EFNA5: variants seen among roughly 807,000 people sequenced by gnomAD.
EFNA5 encodes the protein ephrin A5, also known as ephrin-A5.
A neutral mutation model predicts 22.9 loss-of-function variants in EFNA5; 5 were observed. That is an observed-to-expected ratio of 0.22 (90% confidence interval 0.11 to 0.46). EFNA5 has a LOEUF of 0.46. EFNA5 is among the 20% of genes least tolerant of loss of function. The pLI, the probability that EFNA5 is intolerant of heterozygous loss-of-function variation, is 0.99. For synonymous variants in EFNA5, 113 were observed against 112.2 expected (o/e 1.01, Z -0.04); for missense variants, 237 against 293.3 (o/e 0.81, Z 1.40).
chr5:107,451,287 T>C (rs1056534370), intron 1 of EFNA5, among the ~76,000 whole-genome samples: 1 of 152,200 alleles, frequency 6.6e-6, no homozygotes, highest in Admixed American at 6.5e-5. Context: ...TAATTGCCCA[T>C]AGAGCAACTG....
chr5:107,382,747 C>G (rs1747504650), intron 4 of EFNA5, among the ~76,000 whole-genome samples: 1 of 152,138 alleles, frequency 6.6e-6, no homozygotes, highest in Non-Finnish European at 1.5e-5. Flanking sequence ...AATTTTATCT[C>G]AGCATCAGGG....
intron 1 of EFNA5, among the ~76,000 whole-genome samples, chr5:107,661,220 C>A (rs184451596): frequency 3.3e-5 from 5 of 152,136 alleles, no homozygotes; most frequent in Admixed American, 2.0e-4. Context: ...CTTCCCTTAG[C>A]CTCCATTATC....
chr5:107,614,356 T>C (rs1357080318), intron 1 of EFNA5, among the ~76,000 whole-genome samples: 1 of 152,170 alleles, frequency 6.6e-6, no homozygotes, highest in Non-Finnish European at 1.5e-5. Context: ...TCAAGTGTTT[T>C]CATAACATCA....
intron 1 of EFNA5, among the ~76,000 whole-genome samples, chr5:107,665,830 G>C (rs184041086): frequency 2.0e-5 from 3 of 152,190 alleles, no homozygotes; most frequent in Non-Finnish European, 2.9e-5. Context: ...GATTAAAAAG[G>C]GGGGAGGGTC....
chr5:107,607,804 C>T (rs546451085), intron 1 of EFNA5, among the ~76,000 whole-genome samples: 1 of 152,234 alleles, frequency 6.6e-6, no homozygotes, highest in South Asian at 2.1e-4. Flanking sequence ...AAGGGCCTCA[C>T]CTTGCTTACG....
At chr5:107,641,268 GA>G (rs1299336385) in intron 1 of EFNA5, among the ~76,000 whole-genome samples, 1 of 151,504 alleles carries the variant, frequency 6.6e-6, no homozygotes, top group Non-Finnish European at 1.5e-5. Flanking sequence ...TGAGGAGCAG[GA>G]ATCACTTGAA....
At chr5:107,407,497 G>T (rs1748254962) in intron 2 of EFNA5, among the ~76,000 whole-genome samples, 1 of 152,012 alleles carries the variant, frequency 6.6e-6, no homozygotes, top group Non-Finnish European at 1.5e-5. Context: ...ATCTTACTTG[G>T]GAGAAGAATA....
chr5:107,661,430 T>C (rs965660740), intron 1 of EFNA5, among the ~76,000 whole-genome samples: 1 of 152,194 alleles, frequency 6.6e-6, no homozygotes, highest in Non-Finnish European at 1.5e-5. Context: ...TTTCAAGATC[T>C]CCATCTCAAA....
At chr5:107,449,872 G>C (rs1362798355) in intron 1 of EFNA5, among the ~76,000 whole-genome samples, 1 of 152,152 alleles carries the variant, frequency 6.6e-6, no homozygotes. Context: ...TAAGTGCAGG[G>C]AAAATTTAAG....
intron 1 of EFNA5, among the ~76,000 whole-genome samples, chr5:107,480,536 T>C (rs534255075): frequency 6.6e-6 from 1 of 152,314 alleles, no homozygotes; most frequent in South Asian, 2.1e-4. Flanking sequence ...CTAGGCACTA[T>C]ATGGATCAAG....
At chr5:107,518,481 A>G (rs1747529041) in intron 1 of EFNA5, among the ~76,000 whole-genome samples, 1 of 152,078 alleles carries the variant, frequency 6.6e-6, no homozygotes, top group South Asian at 2.1e-4. Context: ...ACAATGGAAC[A>G]GGCAAAGCCT....
At chr5:107,553,105 A>T (rs1748333496) in intron 1 of EFNA5, among the ~76,000 whole-genome samples, 1 of 152,210 alleles carries the variant, frequency 6.6e-6, no homozygotes, top group Non-Finnish European at 1.5e-5. Flanking sequence ...CAAATACACC[A>T]AGAAAGAAAG....
chr5:107,648,684 G>C (rs193184882), intron 1 of EFNA5, among the ~76,000 whole-genome samples: 6 of 152,218 alleles, frequency 3.9e-5, no homozygotes, highest in African/African-American at 4.8e-5. Context: ...ATGTTGGATG[G>C]TTTGGGTAGT....
intron 1 of EFNA5, among the ~76,000 whole-genome samples, chr5:107,480,822 G>A (rs1018668747): frequency 6.6e-6 from 1 of 152,202 alleles, no homozygotes; most frequent in African/African-American, 2.4e-5. Flanking sequence ...TGGAAGGAAC[G>A]AGCAATGGGG....
At chr5:107,425,428 G>A (rs1041677150) in intron 2 of EFNA5, among the ~76,000 whole-genome samples, 1 of 152,160 alleles carries the variant, frequency 6.6e-6, no homozygotes, top group Non-Finnish European at 1.5e-5. Flanking sequence ...ATTTTACAGT[G>A]AGACAACTAA....
At chr5:107,524,078 A>G (rs908395482) in intron 1 of EFNA5, among the ~76,000 whole-genome samples, 14 of 152,336 alleles carry the variant, frequency 9.2e-5, no homozygotes, top group African/African-American at 3.1e-4. Context: ...CTGTTTTGTA[A>G]TTCATGTAGT....
At chr5:107,640,629 G>T (rs545692314) in intron 1 of EFNA5, among the ~76,000 whole-genome samples, 64 of 152,328 alleles carry the variant, frequency 4.2e-4, no homozygotes, top group African/African-American at 1.5e-3. Flanking sequence ...CAAACAGAGA[G>T]ATCATTCAGC....
intron 2 of EFNA5, among the ~76,000 whole-genome samples, chr5:107,406,470 C>A (rs1748223907): frequency 1.3e-5 from 2 of 152,084 alleles, no homozygotes; most frequent in South Asian, 4.1e-4. Flanking sequence ...CAAATAGACA[C>A]ATGGATTGCT....
At chr5:107,451,148 C>T (rs1206681640) in intron 1 of EFNA5, among the ~76,000 whole-genome samples, 1 of 152,240 alleles carries the variant, frequency 6.6e-6, no homozygotes, top group Non-Finnish European at 1.5e-5. Context: ...AATAAATCCC[C>T]TTTGATCTCC....
Sources: allele counts gnomAD v4.1 joint callset (sites outside exome capture counted in the v4.1 genomes callset), GRCh38; gene constraint gnomAD v4.1.1; transcripts MANE v1.5; gene names NCBI Gene and HGNC (gene_info 2026-07-23, HGNC 2026-07-21).